Variants in PDGFRB observed in about 807,000 individuals in gnomAD.
The protein encoded by PDGFRB is platelet-derived growth factor receptor beta.
A neutral mutation model predicts 120.2 loss-of-function variants in PDGFRB; 42 were observed. That is an observed-to-expected ratio of 0.35 (90% CI 0.27 to 0.45). PDGFRB has a LOEUF of 0.45. Ranked by LOEUF, PDGFRB falls within the 20% of genes least tolerant of loss-of-function variation. The pLI is 1.00. For synonymous variants in PDGFRB, 586 were observed against 606.8 expected, an observed-to-expected ratio of 0.97 and a Z score of 0.50; for missense variants, 1,149 against 1,476.3, an observed-to-expected ratio of 0.78 and a Z score of 3.63.
chr5:150,118,859 A>C lies in PDGFRB; in HGVS notation c.2799-7T>G. Reference sequence around the variant, plus strand: ...CTTCTGCATGATCTCATAGCTGGGGATAGGGAGAAGGGTCAGGGCCTCTGG... The same window carrying C: ...CTTCTGCATGATCTCATAGCTGGGGCTAGGGAGAAGGGTCAGGGCCTCTGG... On this transcript the variant is annotated splice_polypyrimidine_tract_variant and splice_region_variant and intron_variant, in intron 20 of 22. Coordinates refer to ENST00000261799, the MANE Select transcript of PDGFRB (RefSeq NM_002609.4). 6.3e-7 allele frequency: 1 copy of C among 1,588,096 alleles called. No homozygotes were observed. Among genetic ancestry groups the C allele is most frequent in the South Asian group, 1.1e-5 (1 of 90,236 alleles).
In PDGFRB at chr5:150,121,673, GGTTCTACGCAT is replaced by G. The variant is rs1348099792; in HGVS notation, c.2344+196_2344+206del. Among the ~76,000 whole-genome samples, 1 of 152,226 alleles carries G rather than the reference GGTTCTACGCAT, an allele frequency of 6.6e-6. No homozygotes were observed. Among genetic ancestry groups the G allele is most frequent in the Admixed American group, 6.5e-5 (1 of 15,288 alleles). ...TATCCCTGCTCTCTCCCTCCCTGAG[GGTTCTACGCAT>G]GTTTCCGGATCCATAAACAGGGCTT... On this transcript the variant is annotated intron_variant, in intron 16 of 22. Coordinates refer to ENST00000261799, the MANE Select transcript of PDGFRB (RefSeq NM_002609.4). The surrounding 1 kb of genome is among the most constrained non-coding windows in gnomAD (Gnocchi z 4.1).
At chr5:150,119,933 C>G in intron 19 of PDGFRB, 79 bp downstream of exon 19, 2 of 800,622 alleles carry the variant, frequency 2.5e-6, no homozygotes, top group South Asian at 2.7e-5. Flanking sequence ...GTCCCATAGC[C>G]CCACCAGGCC....
intron 8 of PDGFRB, among the ~76,000 whole-genome samples, chr5:150,131,652 G>T (rs1019144251): frequency 6.6e-6 from 1 of 152,162 alleles, no homozygotes; most frequent in Non-Finnish European, 1.5e-5. Context: ...GAAGAGACAG[G>T]CATATGGTAG....
chr5:150,123,821 C>T (rs1268357400), intron 14 of PDGFRB, among the ~76,000 whole-genome samples: 1 of 152,164 alleles, frequency 6.6e-6, no homozygotes, highest in Non-Finnish European at 1.5e-5. Flanking sequence ...GCCTAACTGG[C>T]AATCAGAGCT....
intron 1 of PDGFRB, among the ~76,000 whole-genome samples, chr5:150,139,231 C>G (rs1005435322): frequency 1.3e-5 from 2 of 152,180 alleles, no homozygotes; most frequent in Admixed American, 6.5e-5. Flanking sequence ...GGGGAGAGGA[C>G]AGGCAGGCAG....
intron 13 of PDGFRB, 103 bp downstream of exon 13, chr5:150,124,624 T>G (rs1580799810): frequency 3.1e-6 from 2 of 643,432 alleles, no homozygotes; most frequent in East Asian, 5.5e-5. Flanking sequence ...GCCCCTCTAG[T>G]GCCTGCAAAT....
intron 3 of PDGFRB, 60 bp downstream of exon 3, chr5:150,135,495 C>T: frequency 2.8e-6 from 3 of 1,068,684 alleles, no homozygotes; most frequent in African/African-American, 1.6e-5. Context: ...CTGGACTTCC[C>T]CTGATGCCTC....
chr5:150,135,152 A>G, intron 3 of PDGFRB, 136 bp from the exon 4 acceptor site: 1 of 606,544 alleles, frequency 1.6e-6, no homozygotes, highest in Non-Finnish European at 2.9e-6. Context: ...CCAGAAGAGC[A>G]TAAATCAAAT....
intron 10 of PDGFRB, among the ~76,000 whole-genome samples, chr5:150,128,911 T>C (rs996567039): frequency 3.3e-5 from 5 of 152,124 alleles, no homozygotes; most frequent in Admixed American, 2.6e-4. Flanking sequence ...CTCATATTTA[T>C]CGAATGAAGA....
chr5:150,150,421 C>T (rs1761042778), intron 1 of PDGFRB, among the ~76,000 whole-genome samples: 1 of 152,186 alleles, frequency 6.6e-6, no homozygotes, highest in Admixed American at 6.5e-5. Flanking sequence ...AGGGACAGCC[C>T]TCTCCATCAC....
chr5:150,135,410 C>G (rs1208162112), intron 3 of PDGFRB, 145 bp downstream of exon 3: 1 of 675,762 alleles, frequency 1.5e-6, no homozygotes, highest in Admixed American at 2.4e-5. Context: ...ACACACTCCC[C>G]GACTGAGCCA....
In PDGFRB at chr5:150,135,883, G is replaced by C. The variant is rs1180421980; in HGVS notation, c.41-5C>G. ...GAGACAGCAACAGCAGCTCGCCTTT[G>C]GGAGAGGAGGTATCAGACATCAGGA... On this transcript the variant is annotated splice_polypyrimidine_tract_variant and splice_region_variant and intron_variant, in intron 2 of 22. Coordinates refer to ENST00000261799, the MANE Select transcript of PDGFRB (RefSeq NM_002609.4). The C allele has an allele frequency of 1.3e-6, 2 of 1,518,504 alleles. No homozygotes were observed. 94.1% of individuals were successfully genotyped at this position (1,518,504 alleles called of 1,614,324 possible).
intron 1 of PDGFRB, among the ~76,000 whole-genome samples, chr5:150,152,650 G>A (rs192337364): frequency 6.2e-4 from 94 of 152,366 alleles, no homozygotes; most frequent in Non-Finnish European, 1.2e-3. Context: ...CTAGAAGGCA[G>A]CTGGTCTCAG....
In PDGFRB at chr5:150,123,154, C is replaced by A; in HGVS notation, c.2071G>T (p.Asp691Tyr). 1 of 1,613,648 alleles carries A rather than the reference C, an allele frequency of 6.2e-7. No individual in the cohort carries two copies. The highest frequency in any genetic ancestry group is 8.5e-7 in the Non-Finnish European group (1 of 1,179,668). Residue 691 changes from aspartate (D) to tyrosine (Y), a missense_variant, in exon 15 of 23, where the codon GAC (aspartate) becomes TAC (tyrosine). By Grantham distance (160) the Asp-to-Tyr change is radical (BLOSUM62 -3). Transcript: ENST00000261799. Reference protein sequence around the residue: ...TEYCRYGDLVDYLHRNKHTFL... With the variant: ...TEYCRYGDLVYYLHRNKHTFL... ...GTGTGTTTGTTGCGGTGCAGGTAGT[C>A]CACCAGGTCTCCGTAGCGGCAGTAC... is the stretch of plus-strand genomic sequence containing the variant.
intron 3 of PDGFRB, 25 bp from the exon 4 acceptor site, chr5:150,135,041 A>T (rs767156806): frequency 7.9e-7 from 1 of 1,272,440 alleles, no homozygotes; most frequent in Non-Finnish European, 1.1e-6. Context: ...GCCGTGAATA[A>T]ATCAGGGGAA....
rs774063539 is a variant in PDGFRB at position 150,131,929 on chromosome 5, G to T, written c.1243+50C>A. Reference sequence around the variant, plus strand: ...ACAGTGCAGGAAGGGAGAGGGAACGGGGGCAGGGAGGGGAAGGAGCAGGGA... The same window carrying T: ...ACAGTGCAGGAAGGGAGAGGGAACGTGGGCAGGGAGGGGAAGGAGCAGGGA... On this transcript the variant is annotated intron_variant, in intron 8 of 22. Transcript: ENST00000261799. The T allele has an allele frequency of 3.9e-5, 38 of 966,892 alleles. 2 individuals carry two copies. The South Asian group carries it at 4.9e-4, about 12-fold the overall frequency. 59.9% of individuals were successfully genotyped at this position (966,892 alleles called of 1,614,324 possible). A position where few individuals can be genotyped will look rare whatever the true frequency, so the allele number is the denominator to read the frequency against.
Position 150,125,425 on chromosome 5 carries a change from T to A in PDGFRB, c.1807+20A>T. On this transcript the variant is annotated intron_variant, in intron 12 of 22. Transcript: ENST00000261799. ...CAACTTGAGTCCCCACACTGCCACA[T>A]GAGGCCTCTCAGGACTGACCCAGCA... 6.2e-7 allele frequency: 1 copy of A among 1,600,798 alleles called. No individual in the cohort carries two copies. The highest frequency in any genetic ancestry group is 1.1e-5 in the South Asian group (1 of 90,130).
At chr5:150,145,594 T>A (rs977905346) in intron 1 of PDGFRB, among the ~76,000 whole-genome samples, 5 of 152,200 alleles carry the variant, frequency 3.3e-5, no homozygotes, top group Admixed American at 3.3e-4. Context: ...CAGTGGTGTC[T>A]CCAGTGTTTA....
chr5:150,137,672 G>A (rs4705415), intron 1 of PDGFRB, among the ~76,000 whole-genome samples: 62,573 of 152,074 alleles, frequency 0.41, 13,715 homozygotes, highest in Admixed American at 0.48. Context: ...AGGGGACAGC[G>A]GCTAGGGGCT....
Sources: gnomAD v4.1 joint callset for allele counts (sites outside exome capture counted in the v4.1 genomes callset) on GRCh38, gnomAD v4.1.1 for gene constraint, Gnocchi (gnomAD v3.1) non-coding constraint, MANE v1.5 for transcripts, NCBI Gene and HGNC (gene_info 2026-07-23, HGNC 2026-07-21) for gene names.